Variants in AGMO observed in about 807,000 individuals in gnomAD.
The protein encoded by AGMO is glyceryl-ether monooxygenase.
Under a neutral mutation model 60.2 loss-of-function variants are expected in AGMO, and 75 were observed. The ratio of observed to expected loss-of-function variants is 1.25; its 90% CI spans 1.03 to 1.51. The LOEUF is 1.51. Among genes scored for constraint, AGMO ranks in the 40% most tolerant of loss-of-function variants. The pLI, the probability that AGMO is intolerant of heterozygous loss-of-function variation, is 0.00. For missense variants in AGMO, 763 were observed against 525.5 expected (o/e 1.45, Z -4.42); for synonymous variants, 261 against 177.1 (o/e 1.47, Z -3.76).
chr7:15,322,474 A>G (rs1322477030), intron 12 of AGMO, among the ~76,000 whole-genome samples: 3 of 105,806 alleles, frequency 2.8e-5, no homozygotes, highest in South Asian at 2.6e-4. Flanking sequence ...ATAAATATAT[A>G]AATATATATA....
chr7:15,491,936 C>T (rs1195264677), intron 3 of AGMO, among the ~76,000 whole-genome samples: 1 of 152,194 alleles, frequency 6.6e-6, no homozygotes, highest in Non-Finnish European at 1.5e-5. Flanking sequence ...CTTGCTTCCA[C>T]ACCCATTACT....
intron 12 of AGMO, among the ~76,000 whole-genome samples, chr7:15,257,143 A>G (rs1783122956): frequency 6.6e-6 from 1 of 152,170 alleles, no homozygotes. Context: ...AGTTTCAAGC[A>G]ACATGGATAA....
intron 3 of AGMO, among the ~76,000 whole-genome samples, chr7:15,436,867 T>A (rs1489259298): frequency 6.6e-6 from 1 of 152,152 alleles, no homozygotes; most frequent in Non-Finnish European, 1.5e-5. Context: ...GCTCAACACA[T>A]GCTATTAAAT....
chr7:15,471,065 T>A (rs563530247), intron 3 of AGMO, among the ~76,000 whole-genome samples: 1 of 152,020 alleles, frequency 6.6e-6, no homozygotes, highest in East Asian at 1.9e-4. Context: ...CTCCAGCACA[T>A]TAAAATGGAC....
chr7:15,360,401 G>A (rs1037372632), intron 12 of AGMO, among the ~76,000 whole-genome samples: 1 of 152,100 alleles, frequency 6.6e-6, no homozygotes, highest in Non-Finnish European at 1.5e-5. Context: ...ACCTACTGTT[G>A]ACCAGAAACC....
In AGMO at chr7:15,276,570, G is replaced by A. The variant is rs542128677; in HGVS notation, c.1264-75211C>T. On this transcript the variant is annotated intron_variant, in intron 12 of 12. Coordinates refer to ENST00000342526, the MANE Select transcript of AGMO (RefSeq NM_001004320.2). ...CTGCTCCTCAAATTTATTGAATCTGGATGTCTACATCTCTAGCAAAATCAA... is the reference window on the plus strand; with the variant it reads ...CTGCTCCTCAAATTTATTGAATCTGAATGTCTACATCTCTAGCAAAATCAA... 3.5e-4 allele frequency among the ~76,000 whole-genome samples: 53 copies of A among 152,058 alleles called. No homozygotes were observed. In the South Asian group the frequency reaches 4.6e-3, roughly 13 times the overall value.
At chr7:15,261,989 A>G (rs1055570577) in intron 12 of AGMO, among the ~76,000 whole-genome samples, 1 of 152,100 alleles carries the variant, frequency 6.6e-6, no homozygotes, top group Non-Finnish European at 1.5e-5. Flanking sequence ...TAGAAGGGAC[A>G]TATTTTAAGA....
intron 5 of AGMO, among the ~76,000 whole-genome samples, chr7:15,402,740 G>C (rs957180068): frequency 5.4e-5 from 8 of 148,368 alleles, no homozygotes; most frequent in Non-Finnish European, 1.2e-4. Flanking sequence ...TACCAATAAG[G>C]GTTTTCTATC....
At chr7:15,143,770 A>C in the AGMO span, among the ~76,000 whole-genome samples, 7 of 151,780 alleles carry the variant, frequency 4.6e-5, no homozygotes, top group African/African-American at 1.4e-4. Flanking sequence ...TTGCTCCTTA[A>C]AACTTCATGT....
chr7:15,499,400 G>C (rs1783318840), intron 3 of AGMO, among the ~76,000 whole-genome samples: 1 of 151,834 alleles, frequency 6.6e-6, no homozygotes. Flanking sequence ...TCATTACTCT[G>C]ATCAGAGATG....
At chr7:15,541,772 T>G (rs1245365823) in intron 3 of AGMO, among the ~76,000 whole-genome samples, 2 of 152,190 alleles carry the variant, frequency 1.3e-5, no homozygotes, top group Non-Finnish European at 2.9e-5. Context: ...AGCAATGATT[T>G]GGAATCCTAA....
chr7:15,330,469 G>A (rs1166933775), intron 12 of AGMO, among the ~76,000 whole-genome samples: 2 of 152,068 alleles, frequency 1.3e-5, no homozygotes, highest in Non-Finnish European at 2.9e-5. Context: ...CAATCTATAT[G>A]AACAAAAGAC....
the AGMO span, among the ~76,000 whole-genome samples, chr7:15,164,650 T>C: frequency 6.6e-6 from 1 of 151,946 alleles, no homozygotes; most frequent in Admixed American, 6.6e-5. Context: ...TTCAGAGAAA[T>C]GCAAATTTTT....
At chr7:15,249,049 A>G (rs1385081396) in intron 12 of AGMO, among the ~76,000 whole-genome samples, 1 of 152,198 alleles carries the variant, frequency 6.6e-6, no homozygotes, top group African/African-American at 2.4e-5. Flanking sequence ...AGAACCTACA[A>G]TACTATGTAG....
At chr7:15,527,726 ACT>A (rs1005664558) in intron 3 of AGMO, among the ~76,000 whole-genome samples, 29 of 152,104 alleles carry the variant, frequency 1.9e-4, no homozygotes, top group African/African-American at 2.4e-5. Context: ...GAACAGGCTG[ACT>A]CTCTTGTTTG....
intron 5 of AGMO, among the ~76,000 whole-genome samples, chr7:15,413,930 T>C (rs1224412426): frequency 6.6e-6 from 1 of 152,206 alleles, no homozygotes; most frequent in East Asian, 1.9e-4. Flanking sequence ...CTGTTTTATC[T>C]TCTTGATTCC....
At chr7:15,365,004 G>C (rs1314404030) in intron 12 of AGMO, among the ~76,000 whole-genome samples, 1 of 151,886 alleles carries the variant, frequency 6.6e-6, no homozygotes, top group Non-Finnish European at 1.5e-5. Flanking sequence ...TGCAGTTCTT[G>C]GAAGATAAGA....
intron 3 of AGMO, among the ~76,000 whole-genome samples, chr7:15,487,248 C>T (rs139873650): frequency 6.6e-6 from 1 of 151,910 alleles, no homozygotes; most frequent in East Asian, 1.9e-4. Flanking sequence ...AAATGTAAAA[C>T]AAAATAGAAT....
Position 15,544,614 on chromosome 7 carries a change from T to C in AGMO, c.409+158A>G, listed in dbSNP as rs6957466. Among the ~76,000 whole-genome samples the C allele has an allele frequency of 0.22, 33,297 of 152,082 alleles. 4,008 individuals are homozygous for C. Among genetic ancestry groups the C allele is most frequent in the African/African-American group, 0.32 (13,348 of 41,466 alleles). On this transcript the variant is annotated intron_variant, in intron 3 of 12. Transcript: ENST00000342526. ...AAATATGGCTTCAGATTTTCTCCAC[T>C]TAAATTGCAAAGTAAACCTTCATTA...
Sources: allele counts gnomAD v4.1 joint callset (sites outside exome capture counted in the v4.1 genomes callset), GRCh38; gene constraint gnomAD v4.1.1; transcripts MANE v1.5; gene names NCBI Gene and HGNC (gene_info 2026-07-23, HGNC 2026-07-21).